The following SLC6A13 variants were observed in gnomAD, a reference collection of about 807,000 sequenced individuals.
The protein encoded by SLC6A13 is sodium- and chloride-dependent GABA transporter 2.
SLC6A13 carries 69 observed loss-of-function variants against 72.9 expected under a neutral mutation model. That is an observed-to-expected ratio of 0.95 (90% CI 0.78 to 1.16). SLC6A13 has a LOEUF of 1.16. SLC6A13 is among the 50% of genes most tolerant of loss of function. SLC6A13 has a pLI of 0.00. For missense variants in SLC6A13, 735 were observed against 760.5 expected, an observed-to-expected ratio of 0.97 and a Z score of 0.39; for synonymous variants, 303 against 303.0, an observed-to-expected ratio of 1.00 and a Z score of 0.00.
At chr12:260,150 T>A in intron 1 of SLC6A13, 93 bp from the exon 2 acceptor site, 1 of 1,360,476 alleles carries the variant, frequency 7.4e-7, no homozygotes. Context: ...AGGGAATGAA[T>A]GCACTGGAAG....
rs187326129 is a variant in SLC6A13, at chr12:259,692, T to C, written c.202+159A>G. On this transcript the variant is annotated intron_variant, in intron 2 of 14. Coordinates refer to ENST00000343164, the MANE Select transcript of SLC6A13 (RefSeq NM_016615.5). ...GGGATAGTCACGTAACCTTTCTAGG[T>C]CTTAGTCTCTTACAGAGTGTCCTTA... 6.0e-6 allele frequency: 9 copies of C among 1,511,374 alleles called. No individual in the cohort carries two copies. The Admixed American group carries it at 2.0e-4, about 33-fold the overall frequency. 93.6% of individuals were successfully genotyped at this position (1,511,374 alleles called of 1,614,324 possible).
At position 229,511 on chromosome 12, in the gene SLC6A13, A is replaced by G. The variant is rs368127792; in HGVS notation, c.832-1843T>C. 4.2e-3 allele frequency among the ~76,000 whole-genome samples: 636 copies of G among 152,322 alleles called. 8 individuals carry two copies. The highest frequency in any genetic ancestry group is 0.014 in the African/African-American group (575 of 41,576). On this transcript the variant is annotated intron_variant, in intron 7 of 14. Coordinates refer to ENST00000343164, the MANE Select transcript of SLC6A13 (RefSeq NM_016615.5). ...CACTGGCTAAGTTACTGGCAGCTTC[A>G]AGAGCAGGACCTTCTGGCAAAAGGC...
rs1314805942 is a variant in SLC6A13 at position 221,551 on chromosome 12, G to A, written c.1516-5C>T. 7.0e-6 allele frequency: 11 copies of A among 1,576,172 alleles called. No homozygotes were observed. Among genetic ancestry groups the A allele is most frequent in the Admixed American group, 3.6e-5 (2 of 56,142 alleles). ...CAGGGAGAAGAGAAAGGTGGCCTGA[G>A]GGGGAGAGCAGAAGAGAAAGGGGTT... On this transcript the variant is annotated splice_polypyrimidine_tract_variant and splice_region_variant and intron_variant, in intron 13 of 14. Coordinates refer to ENST00000343164, the MANE Select transcript of SLC6A13 (RefSeq NM_016615.5).
At chr12:238,195 C>T in intron 4 of SLC6A13, 185 bp from the exon 5 acceptor site, 1 of 1,531,086 alleles carries the variant, frequency 6.5e-7, no homozygotes, top group Non-Finnish European at 8.7e-7. Flanking sequence ...CTCACTCTCT[C>T]CCGCACACTT....
At position 262,770 on chromosome 12, in the gene SLC6A13, A is replaced by G; in HGVS notation, c.-6+19T>C. 1 of 891,612 alleles carries G rather than the reference A, an allele frequency of 1.1e-6. No homozygotes were observed. Among genetic ancestry groups the G allele is most frequent in the Non-Finnish European group, 1.3e-6 (1 of 744,472 alleles). The allele number at this position is 891,612 out of a possible 1,614,324, so 55.2% of individuals were successfully genotyped here. A position where few individuals can be genotyped will look rare whatever the true frequency, so the allele number is the denominator to read the frequency against. ...TGAGACGCAGAAATAGAAAAAAAAG[A>G]GAAGAAAACATTTCGAACCTTAGTG... On this transcript the variant is annotated intron_variant, in intron 1 of 14. Coordinates refer to ENST00000343164, the MANE Select transcript of SLC6A13 (RefSeq NM_016615.5).
chr12:235,041 C>T (rs746083978), intron 7 of SLC6A13, 49 bp downstream of exon 7: 16 of 1,611,408 alleles, frequency 9.9e-6, no homozygotes, highest in South Asian at 2.2e-5. Context: ...AAGCCTGAAG[C>T]TCAGTTGCCC....
chr12:243,894 A>G lies in SLC6A13; in HGVS notation c.203-81T>C, dbSNP rs957759705. 4 of 1,364,612 alleles carry G rather than the reference A, an allele frequency of 2.9e-6. No homozygotes were observed. In the Admixed American group the frequency reaches 8.0e-5, roughly 27 times the overall value. The allele number at this position is 1,364,612 out of a possible 1,614,324, so 84.5% of individuals were successfully genotyped here. On this transcript the variant is annotated intron_variant, in intron 2 of 14. Coordinates refer to ENST00000343164, the MANE Select transcript of SLC6A13 (RefSeq NM_016615.5). Reference sequence around the variant, plus strand: ...ATTCACCTCCTCCCATTACCAACCCATACTGCCAGTCAGAATCTCGGAGGC... The same window carrying G: ...ATTCACCTCCTCCCATTACCAACCCGTACTGCCAGTCAGAATCTCGGAGGC...
intron 7 of SLC6A13, among the ~76,000 whole-genome samples, chr12:234,756 G>T (rs148870730): frequency 0.029 from 4,446 of 152,184 alleles, 163 homozygotes; most frequent in African/African-American, 0.089. Flanking sequence ...GACATCAAAT[G>T]ATCCACCCAC....
chr12:252,957 G>A (rs809517), intron 2 of SLC6A13, among the ~76,000 whole-genome samples: 15,850 of 149,722 alleles, frequency 0.11, 1,889 homozygotes, highest in East Asian at 0.38. Context: ...GTCGGGGTGG[G>A]AGGGAGCCAA....
At chr12:223,362 C>T in intron 11 of SLC6A13, 128 bp from the exon 12 acceptor site, 1 of 531,994 alleles carries the variant, frequency 1.9e-6, no homozygotes, top group Non-Finnish European at 3.4e-6. Context: ...GGAGATGGAT[C>T]ATAAAAGAGA....
chr12:233,088 C>T (rs1941778279), intron 7 of SLC6A13, among the ~76,000 whole-genome samples: 1 of 152,190 alleles, frequency 6.6e-6, no homozygotes, highest in African/African-American at 2.4e-5. Context: ...TGGGAGCCAC[C>T]CGCCCTTATG....
intron 5 of SLC6A13, 49 bp from the exon 6 acceptor site, chr12:237,339 T>G (rs1333165499): frequency 1.2e-6 from 2 of 1,605,842 alleles, no homozygotes; most frequent in Admixed American, 3.3e-5. Context: ...CCAGCCTCAG[T>G]TTTGTGGCCC....
At chr12:224,641 G>A in intron 9 of SLC6A13, 128 bp from the exon 10 acceptor site, 1 of 694,732 alleles carries the variant, frequency 1.4e-6, no homozygotes, top group Non-Finnish European at 2.5e-6. Context: ...CAAAGTTGCT[G>A]TCACCACCAC....
intron 2 of SLC6A13, among the ~76,000 whole-genome samples, chr12:248,101 A>G (rs980662799): frequency 2.6e-5 from 4 of 152,200 alleles, no homozygotes; most frequent in African/African-American, 9.6e-5. Context: ...ATAGGATGAT[A>G]GAGTTAAACC....
rs373247579 is a variant in SLC6A13, at chr12:254,056, G to A, written c.202+5795C>T. On this transcript the variant is annotated intron_variant, in intron 2 of 14. Transcript: ENST00000343164. This position sits in a 1 kb window ranked among gnomAD's most constrained non-coding sequence, Gnocchi z 4.4. ...CTTCTTCCCACATCACGCCTCCTGC[G>A]TTATCCAGCATCTCCTCGTCCCATG... Among the ~76,000 whole-genome samples, 2 of 152,196 alleles carry A rather than the reference G, an allele frequency of 1.3e-5. No individual in the cohort carries two copies. Among genetic ancestry groups the A allele is most frequent in the Admixed American group, 6.5e-5 (1 of 15,284 alleles).
chr12:252,811 A>G (rs997470642), intron 2 of SLC6A13, among the ~76,000 whole-genome samples: 1 of 152,224 alleles, frequency 6.6e-6, no homozygotes, highest in African/African-American at 2.4e-5. Flanking sequence ...AAACCAAGCC[A>G]ATGTTTAACT....
At chr12:248,203 G>C (rs1942420464) in intron 2 of SLC6A13, among the ~76,000 whole-genome samples, 1 of 151,934 alleles carries the variant, frequency 6.6e-6, no homozygotes, top group African/African-American at 2.4e-5. Flanking sequence ...AACCTGACAA[G>C]ACTCAACTAT....
At chr12:241,177 G>A (rs528146007) in intron 4 of SLC6A13, among the ~76,000 whole-genome samples, 53 of 152,084 alleles carry the variant, frequency 3.5e-4, no homozygotes, top group Admixed American at 2.0e-4. Context: ...GTTGGCAGGC[G>A]CCTGTAATCC....
At chr12:253,079 G>A (rs530285969) in intron 2 of SLC6A13, among the ~76,000 whole-genome samples, 1 of 152,330 alleles carries the variant, frequency 6.6e-6, no homozygotes, top group South Asian at 2.1e-4. Context: ...GGAGTTCACA[G>A]TAACCTGCAC....
Sources: gnomAD v4.1 joint callset for allele counts (sites outside exome capture counted in the v4.1 genomes callset) on GRCh38, gnomAD v4.1.1 for gene constraint, Gnocchi (gnomAD v3.1) non-coding constraint, MANE v1.5 for transcripts, NCBI Gene and HGNC (gene_info 2026-07-23, HGNC 2026-07-21) for gene names.